Variants in BAZ2B observed in about 807,000 individuals in gnomAD.
The protein encoded by BAZ2B is bromodomain adjacent to zinc finger domain protein 2B.
A neutral mutation model predicts 246.0 loss-of-function variants in BAZ2B; 91 were observed. The ratio of observed to expected loss-of-function variants is 0.37; its 90% CI spans 0.31 to 0.44. The LOEUF is 0.44. BAZ2B is among the 20% of genes least tolerant of loss of function. The pLI is 1.00. For synonymous variants in BAZ2B, 855 were observed against 860.0 expected (o/e 0.99, Z 0.10); for missense variants, 2,332 against 2,533.7 (o/e 0.92, Z 1.71).
chr2:159,691,721 G>A, the BAZ2B span, among the ~76,000 whole-genome samples: 5 of 152,208 alleles, frequency 3.3e-5, no homozygotes, highest in Non-Finnish European at 7.4e-5. Context: ...TGTTACTCAA[G>A]GTTTACGGTA....
chr2:159,634,708 C>T, the BAZ2B span, among the ~76,000 whole-genome samples: 29 of 152,226 alleles, frequency 1.9e-4, no homozygotes, highest in African/African-American at 5.1e-4. Context: ...TCTTCTCCAC[C>T]TTTGAAGACA....
At chr2:159,379,799 T>A (rs1458320566) in intron 25 of BAZ2B, among the ~76,000 whole-genome samples, 2 of 152,160 alleles carry the variant, frequency 1.3e-5, no homozygotes, top group Non-Finnish European at 2.9e-5. Context: ...CATTACTGAG[T>A]TGATGCAATA....
chr2:159,395,313 T>TAA (rs1409295918), intron 20 of BAZ2B: 1 of 152,536 alleles, frequency 6.6e-6, no homozygotes, highest in Non-Finnish European at 1.5e-5. Flanking sequence ...ATAATTTTCT[T>TAA]ATTCTGAATT....
the BAZ2B span, among the ~76,000 whole-genome samples, chr2:159,676,758 T>C: frequency 6.6e-6 from 1 of 151,520 alleles, no homozygotes; most frequent in Non-Finnish European, 1.5e-5. Flanking sequence ...AGAGACTGGG[T>C]GCAATAGGGA....
intron 6 of BAZ2B, among the ~76,000 whole-genome samples, chr2:159,442,840 T>C (rs577039019): frequency 3.9e-5 from 6 of 152,314 alleles, no homozygotes; most frequent in African/African-American, 1.4e-4. Flanking sequence ...AATATCAGAA[T>C]TTCCTTCCTT....
At chr2:159,423,941 C>T (rs1397885214) in intron 13 of BAZ2B, among the ~76,000 whole-genome samples, 1 of 152,148 alleles carries the variant, frequency 6.6e-6, no homozygotes, top group East Asian at 1.9e-4. Flanking sequence ...ATCATTTGCA[C>T]ACTGAACCTC....
At chr2:159,404,413 TGAAAGCATTAAGAAGCAATGAAG>T (rs1443489742) in intron 16 of BAZ2B, 23 of 151,796 alleles carry the variant, frequency 1.5e-4, no homozygotes, top group African/African-American at 4.8e-4. Context: ...TAAGTAATCC[TGAAAGCATTAAGAAGCAATGAAG>T]GCAAATCTTA....
At chr2:159,552,796 C>A (rs1337393857) in intron 2 of BAZ2B, among the ~76,000 whole-genome samples, 1 of 151,998 alleles carries the variant, frequency 6.6e-6, no homozygotes, top group East Asian at 1.9e-4. Context: ...AAAATAAGTA[C>A]CCTAAATACA....
intron 1 of BAZ2B, among the ~76,000 whole-genome samples, chr2:159,590,239 G>T (rs1578701887): frequency 1.9e-5 from 1 of 51,324 alleles, no homozygotes; most frequent in Non-Finnish European, 4.0e-5. Flanking sequence ...AAACAACCCA[G>T]CAAGAACTGG....
chr2:159,612,043 C>T (rs1232656967), intron 1 of BAZ2B, among the ~76,000 whole-genome samples: 1 of 151,738 alleles, frequency 6.6e-6, no homozygotes, highest in East Asian at 1.9e-4. Context: ...AGTATGATAG[C>T]TGAAACTATC....
Position 159,385,162 on chromosome 2 carries a change from C to T in BAZ2B, c.3679G>A (p.Val1227Met). Residue 1227 changes from valine (V) to methionine (M), a missense_variant, in exon 23 of 37, where the codon GTG (valine) becomes ATG (methionine). This residue lies in a region of BAZ2B where 328 missense variants were observed against 410.4 expected (regional missense o/e 0.80). Transcript: ENST00000392783. Reference sequence around the variant, plus strand: ...GCCTGGGCATATGCTCACCTGACCACACTCTTGCTGCATGCCAGTTCATTG... The same window carrying T: ...GCCTGGGCATATGCTCACCTGACCATACTCTTGCTGCATGCCAGTTCATTG... ...LINELACSKS[V>M]VSEIDKNIDY... 6.2e-7 allele frequency: 1 copy of T among 1,612,334 alleles called. No homozygotes were observed. Among genetic ancestry groups the T allele is most frequent in the South Asian group, 1.1e-5 (1 of 91,042 alleles).
chr2:159,499,444 T>TC (rs1461384887), intron 2 of BAZ2B, among the ~76,000 whole-genome samples: 1 of 152,180 alleles, frequency 6.6e-6, no homozygotes, highest in African/African-American at 2.4e-5. Flanking sequence ...TAAAGTTGAG[T>TC]CCATATCTCT....
chr2:159,502,225 C>G (rs978346939), intron 2 of BAZ2B, among the ~76,000 whole-genome samples: 1 of 151,878 alleles, frequency 6.6e-6, no homozygotes, highest in Non-Finnish European at 1.5e-5. Flanking sequence ...AATGTTTTAA[C>G]TGATTGTGGT....
chr2:159,672,336 C>A, the BAZ2B span, among the ~76,000 whole-genome samples: 2 of 152,184 alleles, frequency 1.3e-5, no homozygotes, highest in Non-Finnish European at 2.9e-5. Flanking sequence ...CATAAACACA[C>A]AAATTGTAAA....
intron 3 of BAZ2B, chr2:159,462,113 AAT>A: frequency 3.8e-6 from 1 of 262,848 alleles, no homozygotes; most frequent in South Asian, 4.9e-5. Flanking sequence ...TAAACAGTAA[AAT>A]GTCTCTAGGA....
chr2:159,584,647 A>G (rs2151655426), intron 1 of BAZ2B, among the ~76,000 whole-genome samples: 1 of 152,336 alleles, frequency 6.6e-6, no homozygotes, highest in African/African-American at 2.4e-5. Flanking sequence ...GAGTTAAGAT[A>G]CAGAAAAGAA....
At chr2:159,480,319 T>C (rs560392361) in intron 2 of BAZ2B, among the ~76,000 whole-genome samples, 1 of 152,210 alleles carries the variant, frequency 6.6e-6, no homozygotes, top group East Asian at 1.9e-4. Flanking sequence ...TTTGGTGACA[T>C]AATAAGATAA....
intron 31 of BAZ2B, among the ~76,000 whole-genome samples, chr2:159,346,808 G>A (rs1286513327): frequency 6.6e-6 from 1 of 152,062 alleles, no homozygotes; most frequent in African/African-American, 2.4e-5. Context: ...AAAAATTCTT[G>A]CACAAGGGTA....
At chr2:159,318,405 CT>C (rs1243167381), downstream of BAZ2B, among the ~76,000 whole-genome samples, 6 of 152,352 alleles carry the variant, frequency 3.9e-5, no homozygotes, top group African/African-American at 1.2e-4. Flanking sequence ...TGAAAATACT[CT>C]GTGGCTTTGA....
Sources: gnomAD v4.1 joint callset for allele counts (sites outside exome capture counted in the v4.1 genomes callset) on GRCh38, gnomAD v4.1.1 for gene constraint, gnomAD v4.1.1 regional missense constraint, MANE v1.5 for transcripts, NCBI Gene and HGNC (gene_info 2026-07-23, HGNC 2026-07-21) for gene names.